The following SLC66A3 variants were observed in gnomAD, a reference collection of about 807,000 sequenced individuals.
The protein encoded by SLC66A3 is PQ loop repeat containing 3.
A neutral mutation model predicts 25.5 loss-of-function variants in SLC66A3; 23 were observed. The observed-to-expected ratio is 0.90, with a 90% CI of 0.65 to 1.28. The LOEUF (loss-of-function observed/expected upper bound fraction) is 1.28. SLC66A3 is among the 50% of genes most tolerant of loss of function. The pLI is 0.00. For missense variants in SLC66A3, 246 were observed against 262.1 expected, an observed-to-expected ratio of 0.94 and a Z score of 0.42; for synonymous variants, 108 against 112.6, an observed-to-expected ratio of 0.96 and a Z score of 0.26.
Position 11,178,382 on chromosome 2 carries a change from G to A in SLC66A3, c.*554G>A, listed in dbSNP as rs753021533. 1 of 152,708 alleles carries A rather than the reference G, an allele frequency of 6.5e-6. No homozygotes were observed. The highest frequency in any genetic ancestry group is 2.4e-5 in the African/African-American group (1 of 41,442). 9.5% of individuals were successfully genotyped at this position (152,708 alleles called of 1,614,324 possible). On this transcript the variant is annotated 3_prime_UTR_variant, in exon 7 of 7. Transcript: ENST00000295083. ...TGCTCTAGCAAGGATACCAAGGCAAGCATACATGTAGCTGGCTTGAGTTTG... is the reference window on the plus strand; with the variant it reads ...TGCTCTAGCAAGGATACCAAGGCAAACATACATGTAGCTGGCTTGAGTTTG...
chr2:11,176,732 T>G (rs556047189), intron 6 of SLC66A3, among the ~76,000 whole-genome samples: 31 of 142,608 alleles, frequency 2.2e-4, no homozygotes, highest in South Asian at 4.5e-4. Context: ...GTTTCACCGT[T>G]TTAGCCGGGA....
chr2:11,168,163 T>C (rs1662417614), intron 4 of SLC66A3, among the ~76,000 whole-genome samples: 1 of 151,648 alleles, frequency 6.6e-6, no homozygotes, highest in South Asian at 2.1e-4. Context: ...CGGGCACCTG[T>C]AGTCCCAGCT....
chr2:11,162,896 G>T (rs1007821100), intron 3 of SLC66A3, among the ~76,000 whole-genome samples: 1 of 152,180 alleles, frequency 6.6e-6, no homozygotes, highest in Non-Finnish European at 1.5e-5. Context: ...GTGAGCCACC[G>T]TGCCCGGCCT....
At chr2:11,160,225 A>G (rs1039043852) in intron 1 of SLC66A3, 5 of 587,944 alleles carry the variant, frequency 8.5e-6, no homozygotes, top group Non-Finnish European at 1.5e-5. Context: ...AAGGCACTCT[A>G]TAGAGATCGT....
chr2:11,164,515 T>TG (rs1662246151), intron 4 of SLC66A3, among the ~76,000 whole-genome samples: 1 of 150,532 alleles, frequency 6.6e-6, no homozygotes, highest in South Asian at 2.1e-4. Context: ...CTAATTTTTT[T>TG]TTTTAATTGA....
chr2:11,166,711 G>A (rs1289534322), intron 4 of SLC66A3, among the ~76,000 whole-genome samples: 3 of 151,970 alleles, frequency 2.0e-5, no homozygotes, highest in Admixed American at 6.6e-5. Flanking sequence ...GCCAACAGGC[G>A]AAACCCTGTT....
intron 1 of SLC66A3, among the ~76,000 whole-genome samples, chr2:11,156,672 C>T (rs866576569): frequency 3.1e-4 from 47 of 152,192 alleles, no homozygotes; most frequent in African/African-American, 1.1e-3. Flanking sequence ...CGGCCCTGGG[C>T]ACAGTCATCC....
chr2:11,157,856 C>T (rs188789010), intron 1 of SLC66A3, among the ~76,000 whole-genome samples: 1 of 152,330 alleles, frequency 6.6e-6, no homozygotes, highest in African/African-American at 2.4e-5. Context: ...TGCTGCTTCT[C>T]CTGCCTCCAG....
At chr2:11,177,107 C>T (rs1447442884) in intron 6 of SLC66A3, among the ~76,000 whole-genome samples, 1 of 152,072 alleles carries the variant, frequency 6.6e-6, no homozygotes, top group East Asian at 1.9e-4. Context: ...TAATATGGAA[C>T]GTTCTGAGAC....
chr2:11,161,757 G>C (rs1377672447), intron 3 of SLC66A3, among the ~76,000 whole-genome samples: 1 of 152,246 alleles, frequency 6.6e-6, no homozygotes, highest in African/African-American at 2.4e-5. Flanking sequence ...CCGGACTCAA[G>C]CGATCTTTCC....
intron 3 of SLC66A3, among the ~76,000 whole-genome samples, chr2:11,162,841 C>T (rs879868702): frequency 1.3e-5 from 2 of 152,268 alleles, no homozygotes; most frequent in East Asian, 1.9e-4. Context: ...CTCCTGACCT[C>T]GTGATCCACC....
chr2:11,177,991 G>T lies in SLC66A3; in HGVS notation c.*163G>T. Reference sequence around the variant, plus strand: ...GAAAGAAAGAGCCACTTAAATTCTTGTTTAAAAATACCAATTTGCCTCCTC... The same window carrying T: ...GAAAGAAAGAGCCACTTAAATTCTTTTTTAAAAATACCAATTTGCCTCCTC... On this transcript the variant is annotated 3_prime_UTR_variant, in exon 7 of 7. Transcript: ENST00000295083. 1 of 581,520 alleles carries T rather than the reference G, an allele frequency of 1.7e-6. No homozygotes were observed. The highest frequency in any genetic ancestry group is 3.0e-6 in the Non-Finnish European group (1 of 332,668). The allele number at this position is 581,520 out of a possible 1,614,324, so 36.0% of individuals were successfully genotyped here.
At chr2:11,176,718 C>T (rs1328736690) in intron 6 of SLC66A3, among the ~76,000 whole-genome samples, 2 of 143,638 alleles carry the variant, frequency 1.4e-5, no homozygotes, top group Non-Finnish European at 3.0e-5. Context: ...TTAGTAGAGA[C>T]GGGGTTTCAC....
intron 6 of SLC66A3, among the ~76,000 whole-genome samples, chr2:11,177,511 A>AC (rs2148006643): frequency 6.6e-6 from 1 of 152,302 alleles, no homozygotes; most frequent in East Asian, 1.9e-4. Flanking sequence ...GAGCCACATT[A>AC]CTGTCAATTG....
intron 1 of SLC66A3, 104 bp from the exon 2 acceptor site, chr2:11,160,362 C>T: frequency 1.1e-6 from 1 of 899,498 alleles, no homozygotes; most frequent in Non-Finnish European, 1.9e-6. Flanking sequence ...TCCACACCCC[C>T]ACTGCAAGGA....
intron 1 of SLC66A3, among the ~76,000 whole-genome samples, chr2:11,158,696 A>G (rs1329503070): frequency 6.6e-6 from 1 of 151,556 alleles, no homozygotes; most frequent in African/African-American, 2.4e-5. Context: ...AGTGGCACAC[A>G]TGTAGTCTCA....
chr2:11,164,117 T>C (rs1031498028), intron 3 of SLC66A3, 87 bp from the exon 4 acceptor site: 27 of 784,180 alleles, frequency 3.4e-5, no homozygotes, highest in African/African-American at 9.1e-5. Context: ...TGCGTGCCGC[T>C]GTCTGTGGTC....
intron 4 of SLC66A3, among the ~76,000 whole-genome samples, chr2:11,169,050 GT>G (rs1455294384): frequency 6.6e-6 from 1 of 152,076 alleles, no homozygotes; most frequent in Non-Finnish European, 1.5e-5. Flanking sequence ...TAGAGATGGG[GT>G]TTCACCATGT....
intron 1 of SLC66A3, among the ~76,000 whole-genome samples, chr2:11,159,696 G>A (rs1662043402): frequency 6.6e-6 from 1 of 152,152 alleles, no homozygotes; most frequent in African/African-American, 2.4e-5. Flanking sequence ...TGAACACACA[G>A]GTGAGAGGGA....
Sources: gnomAD v4.1 joint callset for allele counts (sites outside exome capture counted in the v4.1 genomes callset) on GRCh38, gnomAD v4.1.1 for gene constraint, MANE v1.5 for transcripts, NCBI Gene and HGNC (gene_info 2026-07-23, HGNC 2026-07-21) for gene names.